Variants in MYO1E observed in about 807,000 individuals in gnomAD.
The protein encoded by MYO1E is unconventional myosin-Ie.
In MYO1E, 68 loss-of-function variants were observed where a neutral mutation model predicts 151.1. That is an observed-to-expected ratio of 0.45 (90% CI 0.37 to 0.55). MYO1E has a LOEUF of 0.55. Among genes scored for constraint, MYO1E ranks in the 20% least tolerant of loss-of-function variants. The pLI is 0.00. For synonymous variants in MYO1E, 601 were observed against 501.7 expected (o/e 1.20, Z -2.64); for missense variants, 1,363 against 1,389.3 (o/e 0.98, Z 0.30).
chr15:59,283,494 C>G (rs1354824109), intron 1 of MYO1E, among the ~76,000 whole-genome samples: 2 of 152,156 alleles, frequency 1.3e-5, no homozygotes, highest in Admixed American at 1.3e-4. Context: ...ATTAAACTGA[C>G]CCCTAGGACC....
At chr15:59,248,117 G>A (rs1164013584) in intron 4 of MYO1E, among the ~76,000 whole-genome samples, 2 of 91,476 alleles carry the variant, frequency 2.2e-5, no homozygotes, top group Non-Finnish European at 3.8e-5. Flanking sequence ...GACAGAATGA[G>A]ACTCCGTCTC....
intron 17 of MYO1E, among the ~76,000 whole-genome samples, chr15:59,190,745 A>G (rs2079727903): frequency 6.6e-6 from 1 of 152,242 alleles, no homozygotes; most frequent in Admixed American, 6.5e-5. Context: ...TATGGAAAGC[A>G]CTTAGTTCGT....
intron 22 of MYO1E, among the ~76,000 whole-genome samples, chr15:59,170,937 C>T (rs866273371): frequency 3.3e-5 from 5 of 152,186 alleles, no homozygotes; most frequent in Admixed American, 6.6e-5. Context: ...GTTTGACAGG[C>T]GTCCCAATTC....
intron 4 of MYO1E, among the ~76,000 whole-genome samples, chr15:59,238,383 T>A (rs2080079445): frequency 6.6e-6 from 1 of 152,218 alleles, no homozygotes; most frequent in East Asian, 1.9e-4. Context: ...CCCAATATAA[T>A]ACTGCACAGG....
chr15:59,184,682 A>G (rs2079685320), intron 18 of MYO1E, among the ~76,000 whole-genome samples: 1 of 152,060 alleles, frequency 6.6e-6, no homozygotes, highest in Non-Finnish European at 1.5e-5. Flanking sequence ...TTCTTTATCC[A>G]TTTGTCTGTT....
chr15:59,306,798 G>A (rs376760916), intron 1 of MYO1E, among the ~76,000 whole-genome samples: 85 of 152,328 alleles, frequency 5.6e-4, no homozygotes, highest in African/African-American at 2.0e-3. Context: ...TATCAACAAG[G>A]AGCCAAGATG....
Position 59,169,595 on chromosome 15 carries a change from T to G in MYO1E, c.2480+2302A>C, listed in dbSNP as rs116418356. ...TTTTTCCTTAGAGTCAGAAAAACTT[T>G]TAGGCTAAGTACCTCATTTTACTAC... On this transcript the variant is annotated intron_variant, in intron 22 of 27. Transcript: ENST00000288235. 7.9e-3 allele frequency among the ~76,000 whole-genome samples: 1,208 copies of G among 152,270 alleles called. 14 individuals are homozygous for G. The highest frequency in any genetic ancestry group is 0.027 in the African/African-American group (1,134 of 41,544).
chr15:59,302,235 TAG>T (rs1401511061), intron 1 of MYO1E, among the ~76,000 whole-genome samples: 8 of 152,168 alleles, frequency 5.3e-5, no homozygotes, highest in Non-Finnish European at 1.2e-4. Flanking sequence ...AAGTAAGATT[TAG>T]GGACATGTCC....
rs1246232482 is a variant in MYO1E at position 59,159,514 on chromosome 15, C to T, written c.2786-1135G>A. 6.6e-6 allele frequency among the ~76,000 whole-genome samples: 1 copy of T among 152,208 alleles called. No homozygotes were observed. Among genetic ancestry groups the T allele is most frequent in the Non-Finnish European group, 1.5e-5 (1 of 68,034 alleles). On this transcript the variant is annotated intron_variant, in intron 24 of 27. Coordinates refer to ENST00000288235, the MANE Select transcript of MYO1E (RefSeq NM_004998.4). The surrounding 1 kb of genome is among the most constrained non-coding windows in gnomAD (Gnocchi z 4.4). ...GGGAGGTGGGGGACTTCATGTGCCT[C>T]CTTCCTGACTGTAGCCTTCAGTTCA...
Position 59,137,338 on chromosome 15 carries a change from G to GA in MYO1E, c.*41_*42insT. The GA allele has an allele frequency of 6.4e-7, 1 of 1,558,498 alleles. No homozygotes were observed. The highest frequency in any genetic ancestry group is 1.1e-5 in the South Asian group (1 of 89,996). On this transcript the variant is annotated 3_prime_UTR_variant, in exon 28 of 28. Transcript: ENST00000288235. Reference sequence around the variant, plus strand: ...CTAAATATCCCCTCCCCTGGTCTGTGCCTGGAGCTCCTCTGCCCCATGTGT... The same window carrying GA: ...CTAAATATCCCCTCCCCTGGTCTGTGACCTGGAGCTCCTCTGCCCCATGTGT...
intron 1 of MYO1E, among the ~76,000 whole-genome samples, chr15:59,367,802 T>C (rs2080922867): frequency 6.6e-6 from 1 of 152,170 alleles, no homozygotes; most frequent in South Asian, 2.1e-4. Flanking sequence ...GTTTGGCCCC[T>C]CTGAGATGAT....
chr15:59,300,739 C>A (rs2080477089), intron 1 of MYO1E, among the ~76,000 whole-genome samples: 1 of 152,200 alleles, frequency 6.6e-6, no homozygotes, highest in Non-Finnish European at 1.5e-5. Flanking sequence ...TATGAAAAAT[C>A]CTGACAGGCT....
Position 59,210,532 on chromosome 15 carries a change from G to A in MYO1E, c.1344C>T (p.Asp448=), listed in dbSNP as rs377513196. 174 of 1,598,386 alleles carry A rather than the reference G, an allele frequency of 1.1e-4. 2 individuals carry two copies. In the South Asian group the frequency reaches 1.8e-3, roughly 16 times the overall value. Residue 448 remains aspartate, a synonymous_variant, in exon 13 of 28, where the codon GAC becomes GAT. Coordinates refer to ENST00000288235, the MANE Select transcript of MYO1E (RefSeq NM_004998.4). ...CACTTACCACTTTGTTCTCTATGAG[G>A]TCACATACGATTTTATTATTAAAGT... ...IEYFNNKIVC[D]LIENKVNPPG... is the part of the protein sequence containing the mutation.
intron 5 of MYO1E, among the ~76,000 whole-genome samples, chr15:59,234,919 T>G (rs1179035915): frequency 6.6e-6 from 1 of 152,144 alleles, no homozygotes; most frequent in East Asian, 1.9e-4. Flanking sequence ...TACATAATTC[T>G]GATTTAAAAA....
At chr15:59,149,654 T>G (rs1424864423) in intron 26 of MYO1E, among the ~76,000 whole-genome samples, 1 of 152,190 alleles carries the variant, frequency 6.6e-6, no homozygotes, top group Non-Finnish European at 1.5e-5. Context: ...CTTGCCTGAA[T>G]TAACTTGAGG....
At chr15:59,343,038 T>C (rs1278597049) in intron 1 of MYO1E, among the ~76,000 whole-genome samples, 1 of 152,242 alleles carries the variant, frequency 6.6e-6, no homozygotes, top group Non-Finnish European at 1.5e-5. Flanking sequence ...ATGTATAGTT[T>C]ACACACTACT....
chr15:59,211,396 T>C (rs2079878438), intron 12 of MYO1E, among the ~76,000 whole-genome samples: 1 of 152,174 alleles, frequency 6.6e-6, no homozygotes, highest in South Asian at 2.1e-4. Context: ...GACCTTTATA[T>C]GTGGTAGAGT....
chr15:59,153,093 TCAC>T (rs1161710674), intron 26 of MYO1E, among the ~76,000 whole-genome samples: 8 of 152,354 alleles, frequency 5.3e-5, no homozygotes, highest in African/African-American at 1.7e-4. Context: ...TGGGTTCTCT[TCAC>T]CACTCTTTAT....
At chr15:59,225,709 C>T (rs568791073) in intron 7 of MYO1E, among the ~76,000 whole-genome samples, 8 of 148,364 alleles carry the variant, frequency 5.4e-5, no homozygotes, top group South Asian at 2.1e-4. Context: ...TGCACTGGTG[C>T]GATCTCCGCT....
Sources: gnomAD v4.1 joint callset for allele counts (sites outside exome capture counted in the v4.1 genomes callset) on GRCh38, gnomAD v4.1.1 for gene constraint, Gnocchi (gnomAD v3.1) non-coding constraint, MANE v1.5 for transcripts, NCBI Gene and HGNC (gene_info 2026-07-23, HGNC 2026-07-21) for gene names.